The following IGF2BP3 variants were observed in gnomAD, a reference collection of about 807,000 sequenced individuals.
IGF2BP3 encodes insulin-like growth factor 2 mRNA-binding protein 3.
A neutral mutation model predicts 73.8 loss-of-function variants in IGF2BP3; 9 were observed. That is an observed-to-expected ratio of 0.12 (90% CI 0.07 to 0.21). IGF2BP3 has a LOEUF of 0.21. Ranked by LOEUF, IGF2BP3 falls within the 10% of genes least tolerant of loss-of-function variation. IGF2BP3 has a pLI of 1.00. For missense variants in IGF2BP3, 542 were observed against 714.0 expected (o/e 0.76, Z 2.75); for synonymous variants, 258 against 256.7 (o/e 1.01, Z -0.05).
chr7:23,385,772 C>T lies in IGF2BP3; in HGVS notation c.286-24031G>A, dbSNP rs1480185376. Among the ~76,000 whole-genome samples the T allele has an allele frequency of 2.0e-5, 3 of 151,894 alleles. No homozygotes were observed. The South Asian group carries it at 6.2e-4, about 32-fold the overall frequency. ...TAGAAAGAGAGACAGGGTCTCACCA[C>T]ATTGCCCAAAGCTGGTCTCAAATGC... On this transcript the variant is annotated intron_variant, in intron 3 of 14. Coordinates refer to ENST00000258729, the MANE Select transcript of IGF2BP3 (RefSeq NM_006547.3).
chr7:23,377,429 G>A (rs1234019238), intron 3 of IGF2BP3, among the ~76,000 whole-genome samples: 1 of 152,124 alleles, frequency 6.6e-6, no homozygotes. Flanking sequence ...GTGACTTATC[G>A]CTTCACACCC....
At chr7:23,343,148 G>C (rs890584526) in intron 9 of IGF2BP3, among the ~76,000 whole-genome samples, 2 of 152,170 alleles carry the variant, frequency 1.3e-5, no homozygotes, top group African/African-American at 4.8e-5. Flanking sequence ...TACACAGATT[G>C]TTTTATCAAT....
intron 2 of IGF2BP3, among the ~76,000 whole-genome samples, chr7:23,449,185 C>T (rs547945117): frequency 6.6e-6 from 1 of 151,760 alleles, no homozygotes; most frequent in African/African-American, 2.4e-5. Flanking sequence ...ATAAAATCCT[C>T]ACTTGCTCTT....
chr7:23,400,649 G>A (rs922657080), intron 3 of IGF2BP3, among the ~76,000 whole-genome samples: 1 of 152,290 alleles, frequency 6.6e-6, no homozygotes, highest in Middle Eastern at 3.4e-3. Context: ...TTTCACACGA[G>A]AACAACTTCA....
chr7:23,412,842 C>CTTTG (rs1787068528), intron 3 of IGF2BP3, among the ~76,000 whole-genome samples: 1 of 36,978 alleles, frequency 2.7e-5, no homozygotes, highest in African/African-American at 1.1e-4. Context: ...AGACTCTGGC[C>CTTTG]TTTTTTTTTT....
intron 3 of IGF2BP3, among the ~76,000 whole-genome samples, chr7:23,369,989 T>C (rs1205953982): frequency 6.6e-6 from 1 of 152,164 alleles, no homozygotes; most frequent in Non-Finnish European, 1.5e-5. Context: ...CATGACTATA[T>C]CCTCCTGCCA....
In IGF2BP3 at chr7:23,449,554, C is replaced by CTT. The variant is rs376571131; in HGVS notation, c.236+18926_236+18927dup. The stretch of plus-strand genomic sequence containing the variant: ...ACAATTTTTTTTCCTTTTTCTTTTT[C>CTT]TTTTTTTTTTTTTTTTTTTTTTGAG... On this transcript the variant is annotated intron_variant, in intron 2 of 14. Transcript: ENST00000258729. Among the ~76,000 whole-genome samples the CTT allele has an allele frequency of 3.2e-3, 342 of 106,892 alleles. 1 individual carries two copies. Among genetic ancestry groups the CTT allele is most frequent in the East Asian group, 6.7e-3 (24 of 3,560 alleles). 70.1% of individuals were successfully genotyped at this position (106,892 alleles called of 152,430 possible).
At chr7:23,383,604 T>C (rs1785982556) in intron 3 of IGF2BP3, among the ~76,000 whole-genome samples, 1 of 150,892 alleles carries the variant, frequency 6.6e-6, no homozygotes, top group East Asian at 1.9e-4. Context: ...ATAAAGTTAC[T>C]ATGTGACTCT....
chr7:23,409,707 G>A (rs1029203242), intron 3 of IGF2BP3, among the ~76,000 whole-genome samples: 6 of 152,162 alleles, frequency 3.9e-5, no homozygotes, highest in Non-Finnish European at 7.3e-5. Context: ...ACCACAGCCT[G>A]TGAAGCATAC....
At chr7:23,415,796 GCTGCTCCTTACAGTCA>G (rs1378170993) in intron 3 of IGF2BP3, among the ~76,000 whole-genome samples, 7 of 152,152 alleles carry the variant, frequency 4.6e-5, no homozygotes, top group Non-Finnish European at 1.0e-4. Flanking sequence ...TCAGGCCGTG[GCTGCTCCTTACAGTCA>G]CTACTCTGGA....
At chr7:23,464,670 A>T (rs11769126) in intron 2 of IGF2BP3, among the ~76,000 whole-genome samples, 2,943 of 151,158 alleles carry the variant, frequency 0.019, 100 homozygotes, top group African/African-American at 0.068. Context: ...GGCAACAGAG[A>T]GAGACTCCAT....
chr7:23,393,763 G>A lies in IGF2BP3; in HGVS notation c.285+25013C>T, dbSNP rs370346602. On this transcript the variant is annotated intron_variant, in intron 3 of 14. Coordinates refer to ENST00000258729, the MANE Select transcript of IGF2BP3 (RefSeq NM_006547.3). ...ATCATGTTCATTTTGCATGCCAACT[G>A]CAAACAACTGGCTGTGATTATCCAC... is the stretch of plus-strand genomic sequence containing the variant. 1.4e-4 allele frequency among the ~76,000 whole-genome samples: 21 copies of A among 152,316 alleles called. 1 individual carries two copies. The highest frequency in any genetic ancestry group is 9.1e-4 in the Admixed American group (14 of 15,302).
chr7:23,320,989 G>C (rs1354886384), intron 10 of IGF2BP3, among the ~76,000 whole-genome samples: 2 of 144,396 alleles, frequency 1.4e-5, no homozygotes, highest in Non-Finnish European at 3.0e-5. Context: ...AAAAAGAAAA[G>C]AAAGGAAAAA....
chr7:23,468,693 C>T lies in IGF2BP3; in HGVS notation c.176-151G>A, dbSNP rs111523797. On this transcript the variant is annotated intron_variant, in intron 1 of 14. Coordinates refer to ENST00000258729, the MANE Select transcript of IGF2BP3 (RefSeq NM_006547.3). ...ACGCGGCTCCAGGCGGAGGGAGAAG[C>T]CGACCCCCTCGAGCGGCGTGGGCAT... 2.7e-3 allele frequency: 2,007 copies of T among 741,804 alleles called. 3 individuals carry two copies. The highest frequency in any genetic ancestry group is 3.8e-3 in the Non-Finnish European group (1,630 of 430,880). The allele number at this position is 741,804 out of a possible 1,614,324, so 46.0% of individuals were successfully genotyped here.
chr7:23,326,051 C>A lies in IGF2BP3; in HGVS notation c.1204-6797G>T, dbSNP rs867058735. 5.2e-3 allele frequency among the ~76,000 whole-genome samples: 785 copies of A among 152,068 alleles called. 6 individuals are homozygous for A. The highest frequency in any genetic ancestry group is 0.017 in the African/African-American group (700 of 41,466). On this transcript the variant is annotated intron_variant, in intron 10 of 14. Transcript: ENST00000258729. ...ACACCAAAAGCAATGGCAACAAAAG[C>A]CAAAATTGACAAATGGGATCTAATT...
intron 10 of IGF2BP3, among the ~76,000 whole-genome samples, chr7:23,330,355 AT>A (rs1371016790): frequency 7.4e-5 from 11 of 149,136 alleles, no homozygotes; most frequent in Non-Finnish European, 1.6e-4. Context: ...TATTATATAT[AT>A]ATTTCTCTAG....
chr7:23,421,414 C>G (rs1361040244), intron 2 of IGF2BP3, among the ~76,000 whole-genome samples: 1 of 151,990 alleles, frequency 6.6e-6, no homozygotes, highest in East Asian at 1.9e-4. Flanking sequence ...AAGTTGCGGC[C>G]GGACACAGTG....
At chr7:23,410,161 T>C (rs375328240) in intron 3 of IGF2BP3, among the ~76,000 whole-genome samples, 189 of 151,506 alleles carry the variant, frequency 1.2e-3, no homozygotes, top group African/African-American at 3.5e-3. Flanking sequence ...AGAGCGACAC[T>C]CCATCTTAAA....
intron 2 of IGF2BP3, among the ~76,000 whole-genome samples, chr7:23,435,988 C>T (rs998160186): frequency 1.6e-4 from 24 of 150,328 alleles, no homozygotes; most frequent in African/African-American, 4.9e-4. Flanking sequence ...AATTCCTGAC[C>T]GCAAGTGATC....
Sources: gnomAD v4.1 joint callset for allele counts (sites outside exome capture counted in the v4.1 genomes callset) on GRCh38, gnomAD v4.1.1 for gene constraint, MANE v1.5 for transcripts, NCBI Gene and HGNC (gene_info 2026-07-23, HGNC 2026-07-21) for gene names.